NWD2: variants seen among roughly 807,000 people sequenced by gnomAD.
NWD2 encodes the protein NACHT and WD repeat domain-containing protein 2.
A neutral mutation model predicts 132.7 loss-of-function variants in NWD2; 37 were observed. The observed-to-expected ratio is 0.28, with a 90% CI of 0.21 to 0.37. The LOEUF is 0.37. Among genes scored for constraint, NWD2 ranks in the 10% least tolerant of loss-of-function variants. The probability of loss-of-function intolerance (pLI) is 1.00; values close to 1 mark genes in which losing one functional copy is unlikely to be tolerated. For synonymous variants in NWD2, 705 were observed against 803.0 expected, an observed-to-expected ratio of 0.88 and a Z score of 2.06; for missense variants, 1,592 against 2,122.4, an observed-to-expected ratio of 0.75 and a Z score of 4.91.
intron 1 of NWD2, among the ~76,000 whole-genome samples, chr4:37,258,375 T>C (rs1717561830): frequency 6.6e-6 from 1 of 152,232 alleles, no homozygotes; most frequent in African/African-American, 2.4e-5. Context: ...GCATTTGTGC[T>C]CCTAGAGGTG....
chr4:37,377,992 C>A (rs558898519), intron 3 of NWD2, among the ~76,000 whole-genome samples: 1 of 151,756 alleles, frequency 6.6e-6, no homozygotes, highest in Non-Finnish European at 1.5e-5. Context: ...CAAAACAGTA[C>A]GTTGTACCCT....
intron 2 of NWD2, among the ~76,000 whole-genome samples, chr4:37,354,821 C>T (rs1355441525): frequency 6.6e-6 from 1 of 152,176 alleles, no homozygotes; most frequent in Admixed American, 6.5e-5. Context: ...TACTCTGTGG[C>T]ATGTAAAACA....
chr4:37,356,562 G>T (rs533917776), intron 3 of NWD2, 80 bp downstream of exon 3: 4 of 944,688 alleles, frequency 4.2e-6, no homozygotes, highest in African/African-American at 1.7e-5. Flanking sequence ...TTCATAAGGG[G>T]TTTTTTAAAT....
chr4:37,408,073 G>A (rs1175099034), intron 3 of NWD2, among the ~76,000 whole-genome samples: 1 of 152,184 alleles, frequency 6.6e-6, no homozygotes, highest in Non-Finnish European at 1.5e-5. Flanking sequence ...TCAGGGCCCT[G>A]GGTTTCAAGC....
At chr4:37,325,478 C>A (rs565736996) in intron 1 of NWD2, among the ~76,000 whole-genome samples, 3 of 152,180 alleles carry the variant, frequency 2.0e-5, no homozygotes, top group African/African-American at 7.2e-5. Context: ...GAATAGGTAG[C>A]AATGGTGTAG....
intron 2 of NWD2, among the ~76,000 whole-genome samples, chr4:37,346,529 G>A (rs900287898): frequency 6.6e-6 from 1 of 152,078 alleles, no homozygotes; most frequent in Non-Finnish European, 1.5e-5. Flanking sequence ...TTTAGGATTA[G>A]CTTGTCAATT....
chr4:37,274,473 C>G (rs138235629), intron 1 of NWD2, among the ~76,000 whole-genome samples: 17,752 of 152,012 alleles, frequency 0.12, 1,128 homozygotes, highest in Middle Eastern at 0.15. Context: ...CAGGACCAGA[C>G]AGATTGACAG....
intron 1 of NWD2, among the ~76,000 whole-genome samples, chr4:37,250,159 T>TATAC (rs1553888933): frequency 1.4e-4 from 21 of 149,098 alleles, no homozygotes; most frequent in Admixed American, 1.2e-3. Flanking sequence ...TGTGTGTGTA[T>TATAC]ACACACACAC....
intron 2 of NWD2, among the ~76,000 whole-genome samples, chr4:37,353,929 A>G (rs1192807269): frequency 6.6e-6 from 1 of 151,252 alleles, no homozygotes; most frequent in Non-Finnish European, 1.5e-5. Flanking sequence ...AGAGGCGTTC[A>G]GTTTTTGGAA....
chr4:37,296,578 A>G (rs1369346051), intron 1 of NWD2, among the ~76,000 whole-genome samples: 3 of 150,898 alleles, frequency 2.0e-5, no homozygotes, highest in Admixed American at 1.4e-4. Context: ...TTCTAAGTGA[A>G]GTAACACAGG....
chr4:37,390,494 A>G (rs1720661978), intron 3 of NWD2, among the ~76,000 whole-genome samples: 1 of 152,042 alleles, frequency 6.6e-6, no homozygotes, highest in Non-Finnish European at 1.5e-5. Context: ...ATCAGGGATG[A>G]ATACTGGAAT....
At chr4:37,347,509 T>C (rs1041000311) in intron 2 of NWD2, among the ~76,000 whole-genome samples, 3 of 152,184 alleles carry the variant, frequency 2.0e-5, no homozygotes, top group Non-Finnish European at 2.9e-5. Context: ...ATTAAAATTA[T>C]ACAGTTTATA....
chr4:37,448,183 G>C lies in NWD2; in HGVS notation c.*966G>C, dbSNP rs1236330965. On this transcript the variant is annotated 3_prime_UTR_variant, in exon 7 of 7. Transcript: ENST00000309447. ...AGCTTTCTCAACATGCCATCTCTGAGATACTGATGACGTTTGCCTTACTCA... is the reference window on the plus strand; with the variant it reads ...AGCTTTCTCAACATGCCATCTCTGACATACTGATGACGTTTGCCTTACTCA... The C allele has an allele frequency of 6.6e-6, 1 of 152,220 alleles. No individual in the cohort carries two copies. The highest frequency in any genetic ancestry group is 1.9e-4 in the East Asian group (1 of 5,196). 9.4% of individuals were successfully genotyped at this position (152,220 alleles called of 1,614,324 possible).
intron 1 of NWD2, among the ~76,000 whole-genome samples, chr4:37,296,855 A>G (rs1718506625): frequency 6.6e-6 from 1 of 152,276 alleles, no homozygotes; most frequent in Non-Finnish European, 1.5e-5. Context: ...AAAAATTAAC[A>G]AAGAAAATGT....
intron 1 of NWD2, among the ~76,000 whole-genome samples, chr4:37,312,798 T>C (rs1392618174): frequency 1.3e-5 from 2 of 151,202 alleles, no homozygotes; most frequent in Non-Finnish European, 1.5e-5. Flanking sequence ...TTTTGAGATA[T>C]GTTCCATCAA....
At position 37,438,890 on chromosome 4, in the gene NWD2, A is replaced by G. The variant is rs888186534; in HGVS notation, c.796A>G (p.Ile266Val). ...CVCYIRKIAN[I>V]ERFVKIPEMG... The stretch of plus-strand genomic sequence containing the variant: ...TTGCTACATTAGGAAAATTGCTAAC[A>G]TTGAGCGCTTTGTGAAAATCCCAGA... The change falls in exon 6 of 7, where the codon ATT (isoleucine) becomes GTT (valine). Residue 266 changes from isoleucine to valine, a missense_variant. By Grantham distance (29) the Ile-to-Val change is conservative. This residue lies in a region of NWD2 where 1,071 missense variants were observed against 1,398.0 expected (regional missense o/e 0.77). Coordinates refer to ENST00000309447, the MANE Select transcript of NWD2 (RefSeq NM_001144990.2). The G allele has an allele frequency of 1.9e-6, 3 of 1,551,852 alleles. No individual in the cohort carries two copies. Among genetic ancestry groups the G allele is most frequent in the South Asian group, 2.4e-5 (2 of 84,068 alleles).
chr4:37,364,855 T>A (rs888547011), intron 3 of NWD2, among the ~76,000 whole-genome samples: 13 of 152,020 alleles, frequency 8.6e-5, no homozygotes, highest in African/African-American at 3.1e-4. Flanking sequence ...GAGAGCTACA[T>A]TTTGAACGGG....
chr4:37,316,978 G>A (rs2109283790), intron 1 of NWD2, among the ~76,000 whole-genome samples: 1 of 152,256 alleles, frequency 6.6e-6, no homozygotes, highest in African/African-American at 2.4e-5. Context: ...TGCTGTTGAT[G>A]TCTCTTCACA....
intron 3 of NWD2, among the ~76,000 whole-genome samples, chr4:37,396,751 G>A (rs1054024547): frequency 6.6e-6 from 1 of 152,152 alleles, no homozygotes; most frequent in Non-Finnish European, 1.5e-5. Flanking sequence ...AGCAAAGCGA[G>A]GCTGGGCACG....
Sources: allele counts gnomAD v4.1 joint callset (sites outside exome capture counted in the v4.1 genomes callset), GRCh38; gene constraint gnomAD v4.1.1; regional missense constraint gnomAD v4.1.1; transcripts MANE v1.5; gene names NCBI Gene and HGNC (gene_info 2026-07-23, HGNC 2026-07-21).